The following ALK variants were observed in gnomAD, a reference collection of about 807,000 sequenced individuals.
ALK encodes the protein ALK tyrosine kinase receptor.
In ALK, 74 loss-of-function variants were observed where a neutral mutation model predicts 163.1. That is an observed-to-expected ratio of 0.45 (90% CI 0.38 to 0.55). The LOEUF (loss-of-function observed/expected upper bound fraction) is 0.55, where lower values mean the gene tolerates loss of function less well. ALK is among the 20% of genes least tolerant of loss of function. The pLI, the probability that ALK is intolerant of heterozygous loss-of-function variation, is 0.00. For missense variants in ALK, 2,063 were observed against 2,105.3 expected, an observed-to-expected ratio of 0.98 and a Z score of 0.39; for synonymous variants, 960 against 843.2, an observed-to-expected ratio of 1.14 and a Z score of -2.40.
intron 1 of ALK, among the ~76,000 whole-genome samples, chr2:29,727,216 T>G (rs1029817827): frequency 2.0e-5 from 3 of 152,172 alleles, no homozygotes; most frequent in African/African-American, 7.2e-5. Context: ...AAATTGGTCC[T>G]TGGCTTGTCC....
chr2:29,750,299 T>C lies in ALK; in HGVS notation c.668-32602A>G, dbSNP rs117568202. Among the ~76,000 whole-genome samples, 95 of 152,314 alleles carry C rather than the reference T, an allele frequency of 6.2e-4. 1 individual carries two copies. In the East Asian group the frequency reaches 0.017, roughly 27 times the overall value. ...CCACAAACCAGGCCACAGTACAGCA[T>C]GTTACTGTACTGAATACTGTAGACA... On this transcript the variant is annotated intron_variant, in intron 1 of 28. Coordinates refer to ENST00000389048, the MANE Select transcript of ALK (RefSeq NM_004304.5).
intron 3 of ALK, among the ~76,000 whole-genome samples, chr2:29,677,841 G>T (rs1352837987): frequency 2.0e-5 from 3 of 152,032 alleles, no homozygotes; most frequent in African/African-American, 7.2e-5. Context: ...ATTTCTAAAA[G>T]AATATGTCAA....
chr2:29,829,537 G>C (rs1665304682), intron 1 of ALK, among the ~76,000 whole-genome samples: 1 of 152,126 alleles, frequency 6.6e-6, no homozygotes, highest in South Asian at 2.1e-4. Flanking sequence ...GCAAGTTTGT[G>C]TATACTTTAG....
chr2:29,470,242 A>T (rs2148110548), intron 4 of ALK, among the ~76,000 whole-genome samples: 1 of 152,304 alleles, frequency 6.6e-6, no homozygotes. Flanking sequence ...TTCAAGAGAC[A>T]CGTGAGTCAC....
Position 29,434,385 on chromosome 2 carries a change from G to T in ALK, c.1155-50526C>A, listed in dbSNP as rs118020433. Among the ~76,000 whole-genome samples, 186 of 152,318 alleles carry T rather than the reference G, an allele frequency of 1.2e-3. 4 individuals carry two copies. In the East Asian group the frequency reaches 0.034, roughly 28 times the overall value. On this transcript the variant is annotated intron_variant, in intron 4 of 28. Transcript: ENST00000389048. ...AGTCCCGGGGCCCACTCCCACGCCTGCTTTGTCTCCTGGGAATATCAAATT... is the reference window on the plus strand; with the variant it reads ...AGTCCCGGGGCCCACTCCCACGCCTTCTTTGTCTCCTGGGAATATCAAATT...
chr2:29,889,664 C>T (rs1052835698), intron 1 of ALK, among the ~76,000 whole-genome samples: 33 of 134,774 alleles, frequency 2.4e-4, no homozygotes, highest in Admixed American at 8.1e-4. Flanking sequence ...TGTGGAATAT[C>T]TATCTATCTG....
At chr2:29,371,854 C>T (rs1373682103) in intron 5 of ALK, among the ~76,000 whole-genome samples, 1 of 152,184 alleles carries the variant, frequency 6.6e-6, no homozygotes, top group Admixed American at 6.5e-5. Context: ...ACCTCCTCCT[C>T]ATGTTCCTCT....
chr2:29,421,716 G>C (rs543637570), intron 4 of ALK, among the ~76,000 whole-genome samples: 1 of 151,596 alleles, frequency 6.6e-6, no homozygotes, highest in East Asian at 1.9e-4. Flanking sequence ...ATCTCAGAGA[G>C]ACCAGAGTGT....
intron 9 of ALK, among the ~76,000 whole-genome samples, chr2:29,283,781 G>C (rs1665775212): frequency 6.6e-6 from 1 of 152,020 alleles, no homozygotes; most frequent in South Asian, 2.1e-4. Context: ...CTAATTTATT[G>C]CTCCTGTTTT....
At position 29,303,536 on chromosome 2, in the gene ALK, C is replaced by T. The variant is rs187622146; in HGVS notation, c.1648-6479G>A. Among the ~76,000 whole-genome samples the T allele has an allele frequency of 2.6e-5, 4 of 152,276 alleles. No individual in the cohort carries two copies. In the East Asian group the frequency reaches 7.7e-4, roughly 29 times the overall value. ...ACTCAGAAATCTCACCACTGGGTGTCCACCCAAAGGAAAATAAATCATTTT... is the reference window on the plus strand; with the variant it reads ...ACTCAGAAATCTCACCACTGGGTGTTCACCCAAAGGAAAATAAATCATTTT... On this transcript the variant is annotated intron_variant, in intron 8 of 28. Transcript: ENST00000389048.
intron 11 of ALK, among the ~76,000 whole-genome samples, chr2:29,256,257 G>C (rs1664946424): frequency 6.6e-6 from 1 of 152,180 alleles, no homozygotes. Flanking sequence ...CCTGGGTAAG[G>C]AGTTGGGGTG....
chr2:29,555,729 T>C (rs1673836677), intron 3 of ALK, among the ~76,000 whole-genome samples: 1 of 152,176 alleles, frequency 6.6e-6, no homozygotes, highest in Non-Finnish European at 1.5e-5. Flanking sequence ...TACATCCTAA[T>C]GGCTGCAGGT....
At chr2:29,887,094 T>C (rs1413275871) in intron 1 of ALK, among the ~76,000 whole-genome samples, 1 of 152,150 alleles carries the variant, frequency 6.6e-6, no homozygotes, top group African/African-American at 2.4e-5. Flanking sequence ...TAACAAACTA[T>C]CCCCAAAATT....
chr2:29,495,426 A>C (rs532801406), intron 4 of ALK, among the ~76,000 whole-genome samples: 25 of 152,272 alleles, frequency 1.6e-4, no homozygotes, highest in African/African-American at 6.0e-4. Flanking sequence ...CCTTCTCTAC[A>C]AAACTCTTCT....
At chr2:29,908,649 G>T (rs1667616787) in intron 1 of ALK, among the ~76,000 whole-genome samples, 3 of 152,194 alleles carry the variant, frequency 2.0e-5, no homozygotes, top group South Asian at 4.1e-4. Context: ...CTGTCTCAGA[G>T]AAACTTTACC....
At chr2:29,723,145 C>T (rs1679469260) in intron 1 of ALK, among the ~76,000 whole-genome samples, 2 of 152,202 alleles carry the variant, frequency 1.3e-5, no homozygotes, top group African/African-American at 4.8e-5. Flanking sequence ...CTAAAGGCCC[C>T]ACAGGATCTG....
intron 1 of ALK, among the ~76,000 whole-genome samples, chr2:29,723,531 C>A (rs531003098): frequency 4.6e-5 from 7 of 152,366 alleles, no homozygotes; most frequent in Non-Finnish European, 8.8e-5. Context: ...GCCTGGCACA[C>A]AGCAGGCACT....
rs114078148 is a variant in ALK, at chr2:29,909,750, C to T, written c.667+10243G>A. Among the ~76,000 whole-genome samples, 999 of 152,146 alleles carry T rather than the reference C, an allele frequency of 6.6e-3. 14 individuals are homozygous for T. Among genetic ancestry groups the T allele is most frequent in the African/African-American group, 0.022 (930 of 41,506 alleles). ...AGACCTCATTGAATACCTTTGAATA[C>T]CCGAGGCATGTGATGGAGACTCCAG... is the stretch of plus-strand genomic sequence containing the variant. On this transcript the variant is annotated intron_variant, in intron 1 of 28. Coordinates refer to ENST00000389048, the MANE Select transcript of ALK (RefSeq NM_004304.5).
chr2:29,523,226 C>T (rs1672862103), intron 4 of ALK, among the ~76,000 whole-genome samples: 1 of 152,156 alleles, frequency 6.6e-6, no homozygotes, highest in South Asian at 2.1e-4. Context: ...GAATGTCTTC[C>T]TCTCATCATC....
Sources: allele counts gnomAD v4.1 joint callset (sites outside exome capture counted in the v4.1 genomes callset), GRCh38; gene constraint gnomAD v4.1.1; transcripts MANE v1.5; gene names NCBI Gene and HGNC (gene_info 2026-07-23, HGNC 2026-07-21).